Variants in SGF29 observed in about 807,000 individuals in gnomAD.
SGF29 encodes SAGA-associated factor 29.
Under a neutral mutation model 38.1 loss-of-function variants are expected in SGF29, and 15 were observed. That is an observed-to-expected ratio of 0.39 (90% CI 0.26 to 0.61). SGF29 has a LOEUF of 0.61. Ranked by LOEUF, SGF29 falls within the 20% of genes least tolerant of loss-of-function variation. The pLI, the probability that SGF29 is intolerant of heterozygous loss-of-function variation, is 0.49. For synonymous variants in SGF29, 151 were observed against 160.8 expected, an observed-to-expected ratio of 0.94 and a Z score of 0.46; for missense variants, 184 against 394.6, an observed-to-expected ratio of 0.47 and a Z score of 4.52.
chr16:28,560,166 G>A (rs1262442462), intron 1 of SGF29, among the ~76,000 whole-genome samples: 1 of 151,926 alleles, frequency 6.6e-6, no homozygotes, highest in African/African-American at 2.4e-5. Flanking sequence ...AGGAAGTGGA[G>A]GTTGAGCTGA....
intron 1 of SGF29, among the ~76,000 whole-genome samples, chr16:28,576,172 C>A (rs1328460772): frequency 1.3e-5 from 2 of 151,738 alleles, no homozygotes; most frequent in African/African-American, 4.9e-5. Context: ...TTAAAAAAAA[C>A]ACATTATTAA....
chr16:28,564,701 A>ATATG (rs2046820553), intron 1 of SGF29, among the ~76,000 whole-genome samples: 1 of 80,448 alleles, frequency 1.2e-5, no homozygotes, highest in Non-Finnish European at 2.4e-5. Context: ...ATATATGTAT[A>ATATG]TATATACATA....
chr16:28,554,646 C>CT (rs2046735897), intron 1 of SGF29, among the ~76,000 whole-genome samples: 2 of 152,212 alleles, frequency 1.3e-5, no homozygotes, highest in Admixed American at 1.3e-4. Context: ...AAACAGCCTC[C>CT]TTCACCCTCG....
At chr16:28,566,833 A>G (rs1430172065) in intron 1 of SGF29, among the ~76,000 whole-genome samples, 1 of 151,896 alleles carries the variant, frequency 6.6e-6, no homozygotes, top group East Asian at 1.9e-4. Flanking sequence ...ACACCCAGAT[A>G]CTTTTTTTGT....
intron 1 of SGF29, among the ~76,000 whole-genome samples, chr16:28,563,886 A>G (rs2046804727): frequency 6.6e-6 from 1 of 152,002 alleles, no homozygotes; most frequent in South Asian, 2.1e-4. Flanking sequence ...AGCTGGGACT[A>G]CAGGCGCACA....
At chr16:28,564,762 T>TATAC (rs1567286189) in intron 1 of SGF29, among the ~76,000 whole-genome samples, 2 of 66,620 alleles carry the variant, frequency 3.0e-5, no homozygotes, top group South Asian at 3.9e-4. Context: ...TATGTATATA[T>TATAC]GTATATATAT....
chr16:28,582,465 A>G (rs918099822), intron 2 of SGF29, among the ~76,000 whole-genome samples: 3 of 152,124 alleles, frequency 2.0e-5, no homozygotes, highest in Non-Finnish European at 4.4e-5. Context: ...GATGTAGTTA[A>G]TTATCTAACA....
intron 4 of SGF29, among the ~76,000 whole-genome samples, chr16:28,587,947 C>T (rs1233608526): frequency 6.6e-6 from 1 of 151,938 alleles, no homozygotes; most frequent in Non-Finnish European, 1.5e-5. Flanking sequence ...TTATAGACGC[C>T]CGCCACCACG....
chr16:28,575,708 G>A (rs2046888435), intron 1 of SGF29, among the ~76,000 whole-genome samples: 1 of 152,092 alleles, frequency 6.6e-6, no homozygotes, highest in Admixed American at 6.6e-5. Context: ...AAACAAAAAA[G>A]ACAAATAACC....
chr16:28,590,965 G>A lies in SGF29; in HGVS notation c.765+30G>A. 6.3e-7 allele frequency: 1 copy of A among 1,577,730 alleles called. No individual in the cohort carries two copies. The highest frequency in any genetic ancestry group is 8.6e-7 in the Non-Finnish European group (1 of 1,159,982). On this transcript the variant is annotated intron_variant, in intron 9 of 9. Coordinates refer to ENST00000317058, the MANE Select transcript of SGF29 (RefSeq NM_138414.3). The surrounding 1 kb of genome is among the most constrained non-coding windows in gnomAD (Gnocchi z 8.2). ...AGCAGCCTCCAGGGGAGAGGCCATG[G>A]GTGATGTCAGGAACAGGCTGATCAG...
In SGF29 at chr16:28,590,739, G is replaced by A. The variant is rs552380188; in HGVS notation, c.603-34G>A. On this transcript the variant is annotated intron_variant, in intron 8 of 9. Transcript: ENST00000317058. The surrounding 1 kb of genome is among the most constrained non-coding windows in gnomAD (Gnocchi z 8.2). ...CAGCTGAGAAGGAGCATCCCCACCC[G>A]GCCACAGGTTGATATAAGCCCCTCT... is the stretch of plus-strand genomic sequence containing the variant. 1.2e-5 allele frequency: 19 copies of A among 1,613,884 alleles called. No individual in the cohort carries two copies. The highest frequency in any genetic ancestry group is 4.5e-5 in the East Asian group (2 of 44,886).
chr16:28,567,121 A>G (rs971354845), intron 1 of SGF29, among the ~76,000 whole-genome samples: 2 of 152,100 alleles, frequency 1.3e-5, no homozygotes, highest in African/African-American at 2.4e-5. Context: ...GATTTTTTAA[A>G]TATTATTTTT....
At position 28,591,646 on chromosome 16, in the gene SGF29, C is replaced by G. The variant is rs142607928; in HGVS notation, c.822C>G (p.Ser274=). Residue 274 remains serine (S), a synonymous_variant, in exon 10 of 10, where the codon TCC becomes TCG. Transcript: ENST00000317058. ...FEDTSYADGY[S]PPLNVAQRYV... ...ACACCTCCTATGCAGATGGCTATTC[C>G]CCTCCCCTCAATGTGGCTCAGAGAT... is the stretch of plus-strand genomic sequence containing the variant. The G allele has an allele frequency of 2.6e-4, 427 of 1,614,092 alleles. 1 individual carries two copies. In the African/African-American group the frequency reaches 5.0e-3, roughly 19 times the overall value.
intron 1 of SGF29, among the ~76,000 whole-genome samples, chr16:28,563,341 G>C (rs1237746367): frequency 6.6e-6 from 1 of 152,138 alleles, no homozygotes; most frequent in African/African-American, 2.4e-5. Context: ...GAAAGTTCGT[G>C]GCTGATGGGA....
chr16:28,580,806 C>T lies in SGF29; in HGVS notation c.-15-249C>T, dbSNP rs75877478. Reference sequence around the variant, plus strand: ...TAGCGATCCACTCACCTTAGCTTCTCGAATAGCTGGGACTACAGATGTGTG... The same window carrying T: ...TAGCGATCCACTCACCTTAGCTTCTTGAATAGCTGGGACTACAGATGTGTG... On this transcript the variant is annotated intron_variant, in intron 1 of 9. Coordinates refer to ENST00000317058, the MANE Select transcript of SGF29 (RefSeq NM_138414.3). Among the ~76,000 whole-genome samples, 114 of 152,292 alleles carry T rather than the reference C, an allele frequency of 7.5e-4. 1 individual carries two copies. The highest frequency in any genetic ancestry group is 2.5e-3 in the African/African-American group (103 of 41,574).
chr16:28,564,716 T>TAC (rs1491434662), intron 1 of SGF29, among the ~76,000 whole-genome samples: 2 of 75,550 alleles, frequency 2.6e-5, no homozygotes, highest in African/African-American at 8.6e-5. Flanking sequence ...TACATATATA[T>TAC]GTATATATAT....
intron 2 of SGF29, among the ~76,000 whole-genome samples, chr16:28,584,657 C>T (rs553357858): frequency 4.6e-5 from 7 of 152,112 alleles, no homozygotes; most frequent in East Asian, 3.9e-4. Context: ...GGCGTGGTGG[C>T]GGGCGCCTGT....
chr16:28,580,912 C>G, intron 1 of SGF29, 143 bp from the exon 2 acceptor site: 3 of 648,958 alleles, frequency 4.6e-6, no homozygotes, highest in Non-Finnish European at 5.5e-6. Context: ...AACTCCTGGC[C>G]TCAAGCAATC....
chr16:28,581,570 G>T (rs1383500420), intron 2 of SGF29, among the ~76,000 whole-genome samples: 1 of 151,746 alleles, frequency 6.6e-6, no homozygotes, highest in African/African-American at 2.4e-5. Flanking sequence ...GAGTCTCACT[G>T]TGTCACCTAG....
Sources: allele counts gnomAD v4.1 joint callset (sites outside exome capture counted in the v4.1 genomes callset), GRCh38; gene constraint gnomAD v4.1.1; non-coding constraint Gnocchi (gnomAD v3.1); transcripts MANE v1.5; gene names NCBI Gene and HGNC (gene_info 2026-07-23, HGNC 2026-07-21).